FTO: variants seen among roughly 807,000 people sequenced by gnomAD.
FTO encodes alpha-ketoglutarate-dependent dioxygenase FTO.
Under a neutral mutation model 63.9 loss-of-function variants are expected in FTO, and 47 were observed. The ratio of observed to expected loss-of-function variants is 0.74; its 90% CI spans 0.58 to 0.94. The LOEUF (loss-of-function observed/expected upper bound fraction) is 0.94. Ranked by LOEUF, FTO falls within the 40% of genes least tolerant of loss-of-function variation. FTO has a pLI of 0.00. For missense variants in FTO, 562 were observed against 618.1 expected (o/e 0.91, Z 0.96); for synonymous variants, 207 against 224.4 (o/e 0.92, Z 0.69).
At chr16:53,818,250 AT>A (rs2078756475) in intron 2 of FTO, among the ~76,000 whole-genome samples, 1 of 151,740 alleles carries the variant, frequency 6.6e-6, no homozygotes, top group Non-Finnish European at 1.5e-5. Context: ...TAATTACTCT[AT>A]AAACAATAAA....
At chr16:54,099,278 T>A (rs1322654361) in intron 8 of FTO, among the ~76,000 whole-genome samples, 1 of 152,200 alleles carries the variant, frequency 6.6e-6, no homozygotes, top group Non-Finnish European at 1.5e-5. Flanking sequence ...GCAGAATATA[T>A]TTTCTTCCAA....
In FTO at chr16:53,977,949, C is replaced by G. The variant is rs1358747626; in HGVS notation, c.1364+43840C>G. On this transcript the variant is annotated intron_variant, in intron 8 of 8. Coordinates refer to ENST00000471389, the MANE Select transcript of FTO (RefSeq NM_001080432.3). ...TCATAGCTCACTGCAGCCTCAAACT[C>G]CTGGGCTCAGAGGATCCTCCTACCT... 2.0e-5 allele frequency among the ~76,000 whole-genome samples: 3 copies of G among 152,220 alleles called. No homozygotes were observed. The East Asian group carries it at 5.8e-4, about 29-fold the overall frequency.
chr16:53,998,129 G>T (rs2083985220), intron 8 of FTO, among the ~76,000 whole-genome samples: 1 of 152,176 alleles, frequency 6.6e-6, no homozygotes, highest in African/African-American at 2.4e-5. Flanking sequence ...GAGAAGGGAA[G>T]TACGCTTCTA....
intron 3 of FTO, among the ~76,000 whole-genome samples, chr16:53,829,408 C>T (rs1299344971): frequency 1.4e-4 from 21 of 152,214 alleles, no homozygotes; most frequent in African/African-American, 1.9e-4. Flanking sequence ...GTGTGTCAGA[C>T]GGCATACAAA....
chr16:53,711,249 G>T (rs2075767988), intron 1 of FTO: 1 of 384,812 alleles, frequency 2.6e-6, no homozygotes, highest in Non-Finnish European at 4.6e-6. Flanking sequence ...TTTCTCAAAT[G>T]GGGTTCCATT....
chr16:53,792,642 A>T (rs977493708), intron 1 of FTO, among the ~76,000 whole-genome samples: 2 of 152,226 alleles, frequency 1.3e-5, no homozygotes, highest in African/African-American at 4.8e-5. Context: ...AAGTCTGATC[A>T]TACTAATGCT....
chr16:53,915,422 G>A (rs2081839481), intron 7 of FTO, among the ~76,000 whole-genome samples: 1 of 152,192 alleles, frequency 6.6e-6, no homozygotes, highest in African/African-American at 2.4e-5. Context: ...CTCAGTATAT[G>A]AAGACAAATG....
At chr16:53,793,287 G>A (rs779890945) in intron 1 of FTO, among the ~76,000 whole-genome samples, 12 of 151,626 alleles carry the variant, frequency 7.9e-5, no homozygotes, top group South Asian at 6.2e-4. Flanking sequence ...TTTTTGCTTC[G>A]CATCATATAC....
At chr16:54,065,802 T>G (rs1352233824) in intron 8 of FTO, among the ~76,000 whole-genome samples, 1 of 152,212 alleles carries the variant, frequency 6.6e-6, no homozygotes, top group Non-Finnish European at 1.5e-5. Context: ...CATGGCACTG[T>G]GCCCATCAAC....
At chr16:53,952,568 C>T (rs1164369820) in intron 8 of FTO, among the ~76,000 whole-genome samples, 1 of 152,172 alleles carries the variant, frequency 6.6e-6, no homozygotes, top group African/African-American at 2.4e-5. Context: ...TTTCCCCAGT[C>T]ACTTTAAATA....
Position 53,826,267 on chromosome 16 carries a change from T to G in FTO, c.527T>G (p.Phe176Cys), listed in dbSNP as rs779309219. 1 of 1,614,154 alleles carries G rather than the reference T, an allele frequency of 6.2e-7. No individual in the cohort carries two copies. The highest frequency in any genetic ancestry group is 8.5e-7 in the Non-Finnish European group (1 of 1,180,008). ...DAVPLCMSAD[F>C]PRVGMGSSYN... is the part of the protein sequence containing the mutation. ...GTGCCATTGTGTATGTCTGCAGATTTCCCCAGGGTTGGGATGGGTTCATCC... is the reference window on the plus strand; with the variant it reads ...GTGCCATTGTGTATGTCTGCAGATTGCCCCAGGGTTGGGATGGGTTCATCC... The change falls in exon 3 of 9, where the codon TTC becomes TGC. Residue 176 changes from phenylalanine (F) to cysteine (C), a missense_variant. Coordinates refer to ENST00000471389, the MANE Select transcript of FTO (RefSeq NM_001080432.3).
intron 7 of FTO, among the ~76,000 whole-genome samples, chr16:53,906,519 T>G (rs545946430): frequency 1.4e-4 from 22 of 152,252 alleles, no homozygotes; most frequent in African/African-American, 5.3e-4. Context: ...GATTCTTATG[T>G]AAGGTGGAAG....
At chr16:53,941,871 C>T (rs921406910) in intron 8 of FTO, among the ~76,000 whole-genome samples, 1 of 152,102 alleles carries the variant, frequency 6.6e-6, no homozygotes, top group African/African-American at 2.4e-5. Flanking sequence ...AATTTGCACC[C>T]CAGATCTTTG....
chr16:53,727,836 ACTG>A (rs2076185818), intron 1 of FTO, among the ~76,000 whole-genome samples: 1 of 152,212 alleles, frequency 6.6e-6, no homozygotes, highest in East Asian at 1.9e-4. Flanking sequence ...GGAAGGAGGT[ACTG>A]TTTGTAAAGT....
chr16:53,875,105 A>AGAGG (rs969266298), intron 5 of FTO, among the ~76,000 whole-genome samples: 26 of 151,728 alleles, frequency 1.7e-4, no homozygotes, highest in East Asian at 3.9e-4. Context: ...AGGAAGGAAG[A>AGAGG]GAGGGAGGGA....
At chr16:54,107,102 T>C (rs2086772974) in intron 8 of FTO, among the ~76,000 whole-genome samples, 1 of 148,672 alleles carries the variant, frequency 6.7e-6, no homozygotes, top group South Asian at 2.1e-4. Flanking sequence ...ATATATAAAA[T>C]AATAGGTATA....
At chr16:53,894,632 TTG>T (rs77253276) in intron 7 of FTO, among the ~76,000 whole-genome samples, 13 of 150,764 alleles carry the variant, frequency 8.6e-5, no homozygotes, top group Non-Finnish European at 1.2e-4. Context: ...TCACCAATTT[TTG>T]TGTGTGTGTG....
rs774232694 is a variant in FTO, at chr16:53,810,140, A to C, written c.46A>C (p.Lys16Gln). 1.2e-6 allele frequency: 2 copies of C among 1,603,958 alleles called. No homozygotes were observed. The highest frequency in any genetic ancestry group is 2.7e-5 in the African/African-American group (2 of 74,700). ...ATATGTAATTATTATTTTCAAACAG[A>C]AACTGAGGCTTCTTGAAGAGCTTGA... ...TAEEREREAK[K>Q]LRLLEELEDT... Residue 16 changes from lysine (K) to glutamine (Q), a missense_variant and splice_region_variant, in exon 2 of 9, where the codon AAA (lysine) becomes CAA (glutamine). Lys to Gln is a moderately conservative substitution (Grantham distance 53). Transcript: ENST00000471389.
At chr16:53,869,069 C>T (rs764324742) in intron 4 of FTO, among the ~76,000 whole-genome samples, 8 of 151,954 alleles carry the variant, frequency 5.3e-5, no homozygotes, top group African/African-American at 1.2e-4. Flanking sequence ...TGACCTCAAG[C>T]GATTCACCTG....
Sources: allele counts gnomAD v4.1 joint callset (sites outside exome capture counted in the v4.1 genomes callset), GRCh38; gene constraint gnomAD v4.1.1; transcripts MANE v1.5; gene names NCBI Gene and HGNC (gene_info 2026-07-23, HGNC 2026-07-21).